RGS13: variants seen among roughly 807,000 people sequenced by gnomAD.
The protein encoded by RGS13 is regulator of G-protein signalling 13.
A neutral mutation model predicts 19.9 loss-of-function variants in RGS13; 14 were observed. That is an observed-to-expected ratio of 0.70 (90% CI 0.46 to 1.10). The LOEUF (loss-of-function observed/expected upper bound fraction) is 1.10, where lower values mean the gene tolerates loss of function less well. Ranked by LOEUF, RGS13 falls within the 50% of genes least tolerant of loss-of-function variation. The pLI is 0.00. For missense variants in RGS13, 205 were observed against 187.1 expected, an observed-to-expected ratio of 1.10 and a Z score of -0.56; for synonymous variants, 60 against 56.8, an observed-to-expected ratio of 1.06 and a Z score of -0.25.
intron 3 of RGS13, among the ~76,000 whole-genome samples, chr1:192,642,996 A>G (rs754382050): frequency 6.6e-6 from 1 of 152,094 alleles, no homozygotes; most frequent in Non-Finnish European, 1.5e-5. Flanking sequence ...AGTAGTTGGG[A>G]CTACAGGCAT....
chr1:192,652,338 T>G (rs1326942625), intron 5 of RGS13, among the ~76,000 whole-genome samples: 1 of 151,902 alleles, frequency 6.6e-6, no homozygotes, highest in Non-Finnish European at 1.5e-5. Flanking sequence ...GATCCCAGAG[T>G]CATTCTCTCA....
chr1:192,654,871 G>C (rs1318101015), intron 5 of RGS13, among the ~76,000 whole-genome samples: 1 of 151,998 alleles, frequency 6.6e-6, no homozygotes, highest in East Asian at 1.9e-4. Context: ...TAAGGGAAAA[G>C]TATACACTAT....
intron 5 of RGS13, among the ~76,000 whole-genome samples, chr1:192,653,201 G>GA (rs1663375587): frequency 6.6e-6 from 1 of 151,536 alleles, no homozygotes; most frequent in African/African-American, 2.4e-5. Flanking sequence ...GCAATGCAAA[G>GA]AAAAAACAGA....
intron 4 of RGS13, 163 bp from the exon 5 acceptor site, chr1:192,647,763 A>G: frequency 3.0e-6 from 1 of 330,608 alleles, no homozygotes; most frequent in Non-Finnish European, 5.5e-6. Flanking sequence ...TAGTAAAAAT[A>G]AAATGTAAAA....
At position 192,659,782 on chromosome 1, in the gene RGS13, C is replaced by A. The variant is rs921962832; in HGVS notation, c.*259C>A. On this transcript the variant is annotated 3_prime_UTR_variant, in exon 7 of 7. Transcript: ENST00000391995. ...AAAAGGAAGGTCTTTCTTCATGATA[C>A]AAGCATTATAAAGTTTTTACTGTAG... 3.2e-6 allele frequency: 1 copy of A among 307,930 alleles called. No individual in the cohort carries two copies. The highest frequency in any genetic ancestry group is 5.9e-6 in the Non-Finnish European group (1 of 170,342). The allele number at this position is 307,930 out of a possible 1,614,324, so 19.1% of individuals were successfully genotyped here.
At chr1:192,645,114 G>C (rs1663192596) in intron 4 of RGS13, 1 of 152,308 alleles carries the variant, frequency 6.6e-6, no homozygotes, top group African/African-American at 2.4e-5. Context: ...ATGCTGCAAT[G>C]GTGGTCAGAG....
At chr1:192,656,666 T>C (rs1261754562) in intron 5 of RGS13, among the ~76,000 whole-genome samples, 1 of 152,104 alleles carries the variant, frequency 6.6e-6, no homozygotes, top group Non-Finnish European at 1.5e-5. Context: ...TTGAACCGTA[T>C]CCCATGCAGT....
chr1:192,642,890 C>T (rs1300378844), intron 3 of RGS13, among the ~76,000 whole-genome samples: 1 of 152,006 alleles, frequency 6.6e-6, no homozygotes, highest in East Asian at 1.9e-4. Flanking sequence ...GATAGGGTCT[C>T]ACTCTGTTGC....
chr1:192,640,201 G>A (rs1330243497), intron 3 of RGS13, among the ~76,000 whole-genome samples: 2 of 152,106 alleles, frequency 1.3e-5, no homozygotes, highest in African/African-American at 4.8e-5. Flanking sequence ...AAGATAAGCT[G>A]CGAGTCATTG....
intron 5 of RGS13, among the ~76,000 whole-genome samples, chr1:192,656,233 C>T (rs1045519661): frequency 6.6e-6 from 1 of 152,074 alleles, no homozygotes; most frequent in African/African-American, 2.4e-5. Context: ...ATTCCATGAG[C>T]CATAGATTTT....
Position 192,658,312 on chromosome 1 carries a change from T to C in RGS13, c.239T>C (p.Ile80Thr). The C allele has an allele frequency of 6.2e-7, 1 of 1,613,586 alleles. No homozygotes were observed. Residue 80 changes from isoleucine (I) to threonine (T), a missense_variant, in exon 6 of 7, where the codon ATT becomes ACT. By Grantham distance (89) the Ile-to-Thr change is moderately conservative. Coordinates refer to ENST00000391995, the MANE Select transcript of RGS13 (RefSeq NM_002927.5). ...AAAATTGCCTCACGGTGGAGCAGAA[T>C]TTCTAGGGCAAAGAAGCTTTATAAG... The part of the protein sequence containing the change: ...YKKIASRWSR[I>T]SRAKKLYKIY...
At chr1:192,638,990 A>T (rs1048075942) in intron 3 of RGS13, among the ~76,000 whole-genome samples, 1 of 152,148 alleles carries the variant, frequency 6.6e-6, no homozygotes, top group Non-Finnish European at 1.5e-5. Flanking sequence ...CAGAAATATA[A>T]ATAACATTAT....
rs920080188 is a variant in RGS13, at chr1:192,637,650, T to C, written c.-55T>C. On this transcript the variant is annotated 5_prime_UTR_variant, in exon 2 of 7. Transcript: ENST00000391995. ...ATGAGAAAAAAATGATCATTGTTTA[T>C]TTGAAGCTTGGTGAGTTTATCCACA... 2 of 152,178 alleles carry C rather than the reference T, an allele frequency of 1.3e-5. No individual in the cohort carries two copies. The highest frequency in any genetic ancestry group is 4.8e-5 in the African/African-American group (2 of 41,568). 9.4% of individuals were successfully genotyped at this position (152,178 alleles called of 1,614,324 possible). A position where few individuals can be genotyped will look rare whatever the true frequency, so the allele number is the denominator to read the frequency against.
intron 3 of RGS13, 109 bp downstream of exon 3, chr1:192,638,312 A>G (rs1305319530): frequency 6.6e-6 from 1 of 151,768 alleles, no homozygotes; most frequent in Non-Finnish European, 1.5e-5. Flanking sequence ...TTTTTCCTTC[A>G]GTTTAAGCCG....
At position 192,659,766 on chromosome 1, in the gene RGS13, G is replaced by T; in HGVS notation, c.*243G>T. 1 of 331,126 alleles carries T rather than the reference G, an allele frequency of 3.0e-6. No individual in the cohort carries two copies. 20.5% of individuals were successfully genotyped at this position (331,126 alleles called of 1,614,324 possible). A position where few individuals can be genotyped will look rare whatever the true frequency, so the allele number is the denominator to read the frequency against. On this transcript the variant is annotated 3_prime_UTR_variant, in exon 7 of 7. Coordinates refer to ENST00000391995, the MANE Select transcript of RGS13 (RefSeq NM_002927.5). ...CAATTAATATATAAGGAAAAGGAAG[G>T]TCTTTCTTCATGATACAAGCATTAT...
chr1:192,650,539 G>C (rs141923609), intron 5 of RGS13, among the ~76,000 whole-genome samples: 168 of 152,156 alleles, frequency 1.1e-3, no homozygotes, highest in African/African-American at 3.9e-3. Flanking sequence ...AAGGACAGTA[G>C]CTCAGACACA....
chr1:192,658,604 A>C, intron 6 of RGS13: 1 of 379,688 alleles, frequency 2.6e-6, no homozygotes, highest in Non-Finnish European at 4.7e-6. Context: ...ATCTGGCTCC[A>C]AAGCTTCTCC....
In RGS13 at chr1:192,659,515, A is replaced by G. The variant is rs772348616; in HGVS notation, c.472A>G (p.Ser158Gly). Residue 158 changes from serine (S) to glycine (G), a missense_variant, in exon 7 of 7, where the codon AGT becomes GGT. Ser to Gly is a moderately conservative substitution (Grantham distance 56). Transcript: ENST00000391995. ...TTTGAAAACTATGCAGTCCAACAAC[A>G]GTTTCTGACTACAACTCAAAAGTTT... is the stretch of plus-strand genomic sequence containing the variant. ...KLLKTMQSNN[S>G]F The G allele has an allele frequency of 1.2e-5, 19 of 1,606,536 alleles. No individual in the cohort carries two copies. Among genetic ancestry groups the G allele is most frequent in the South Asian group, 4.5e-5 (4 of 89,452 alleles).
chr1:192,658,180 T>C, intron 5 of RGS13, 21 bp from the exon 6 acceptor site: 1 of 1,566,512 alleles, frequency 6.4e-7, no homozygotes, highest in Non-Finnish European at 8.7e-7. Context: ...GAAAATAAAC[T>C]GATTTCTCCT....
Sources: allele counts gnomAD v4.1 joint callset (sites outside exome capture counted in the v4.1 genomes callset), GRCh38; gene constraint gnomAD v4.1.1; transcripts MANE v1.5; gene names NCBI Gene and HGNC (gene_info 2026-07-23, HGNC 2026-07-21).